The following ANGPTL5 variants were observed in gnomAD, a reference collection of about 807,000 sequenced individuals.
The protein encoded by ANGPTL5 is angiopoietin-related protein 5.
ANGPTL5 carries 34 observed loss-of-function variants against 39.4 expected under a neutral mutation model. That is an observed-to-expected ratio of 0.86 (90% CI 0.66 to 1.15). The LOEUF (loss-of-function observed/expected upper bound fraction) is 1.15, where lower values mean the gene tolerates loss of function less well. Ranked by LOEUF, ANGPTL5 falls within the 50% of genes most tolerant of loss-of-function variation. The probability of loss-of-function intolerance (pLI) is 0.00; values close to 1 mark genes in which losing one functional copy is unlikely to be tolerated. For missense variants in ANGPTL5, 467 were observed against 457.5 expected (o/e 1.02, Z -0.19); for synonymous variants, 146 against 152.1 (o/e 0.96, Z 0.29).
intron 1 of ANGPTL5, chr11:101,915,494 T>G: frequency 6.6e-7 from 1 of 1,520,216 alleles, no homozygotes; most frequent in Non-Finnish European, 8.9e-7. Flanking sequence ...CCCATTACCT[T>G]TGACGCAGGG....
At chr11:101,891,696 T>G in intron 8 of ANGPTL5, 98 bp from the exon 9 acceptor site, 4 of 1,199,308 alleles carry the variant, frequency 3.3e-6, no homozygotes, top group Non-Finnish European at 4.8e-6. Context: ...CATCTGGAAA[T>G]AGGGTTTAAA....
chr11:101,892,566 A>G (rs995254057), intron 8 of ANGPTL5, among the ~76,000 whole-genome samples: 2 of 152,176 alleles, frequency 1.3e-5, no homozygotes, highest in Admixed American at 1.3e-4. Context: ...CGTATTTACA[A>G]TAACCCTGCA....
chr11:101,903,555 C>A (rs1939945934), intron 5 of ANGPTL5, among the ~76,000 whole-genome samples: 2 of 152,094 alleles, frequency 1.3e-5, no homozygotes, highest in African/African-American at 2.4e-5. Context: ...TACCATAGTG[C>A]CCAGCACACC....
At chr11:101,896,667 C>T (rs879063465) in intron 7 of ANGPTL5, among the ~76,000 whole-genome samples, 1 of 152,120 alleles carries the variant, frequency 6.6e-6, no homozygotes, top group Non-Finnish European at 1.5e-5. Flanking sequence ...TCATCCATGT[C>T]CCTGCAAAGG....
chr11:101,891,415 T>C lies in ANGPTL5; in HGVS notation c.1031A>G (p.Asn344Ser). The change falls in exon 9 of 9, where the codon AAT becomes AGT. Residue 344 changes from asparagine to serine, a missense_variant. Physicochemically the swap from Asn to Ser is conservative, Grantham distance 46 (BLOSUM62 1). Coordinates refer to ENST00000334289, the MANE Select transcript of ANGPTL5 (RefSeq NM_178127.5). ...WFNECGLANL[N>S]GIHHFSGKLL... Reference sequence around the variant, plus strand: ...TTTTCCAGAGAAGTGATGAATGCCATTTAGATTTGCTAGACCACACTCGTT... The same window carrying C: ...TTTTCCAGAGAAGTGATGAATGCCACTTAGATTTGCTAGACCACACTCGTT... 1 of 1,614,110 alleles carries C rather than the reference T, an allele frequency of 6.2e-7. No homozygotes were observed. The highest frequency in any genetic ancestry group is 8.5e-7 in the Non-Finnish European group (1 of 1,179,994).
chr11:101,891,361 G>T lies in ANGPTL5; in HGVS notation c.1085C>A (p.Thr362Lys). The change falls in exon 9 of 9, where the codon ACG becomes AAG. Residue 362 changes from threonine to lysine, a missense_variant. Coordinates refer to ENST00000334289, the MANE Select transcript of ANGPTL5 (RefSeq NM_178127.5). ...GACAGGTGAGTTGTTTTTGGTCCAC[G>T]TGCCCCATTGAATTCCAGTTGCAAG... ...KLLATGIQWG[T>K]WTKNNSPVKI... is the part of the protein sequence containing the mutation. The T allele has an allele frequency of 6.2e-7, 1 of 1,613,906 alleles. No homozygotes were observed. Among genetic ancestry groups the T allele is most frequent in the Non-Finnish European group, 8.5e-7 (1 of 1,179,936 alleles).
At chr11:101,895,904 A>T (rs976883170) in intron 7 of ANGPTL5, among the ~76,000 whole-genome samples, 1 of 152,220 alleles carries the variant, frequency 6.6e-6, no homozygotes, top group African/African-American at 2.4e-5. Flanking sequence ...GAATAACATG[A>T]CAGCATTCAA....
chr11:101,902,077 T>C (rs1939912369), intron 6 of ANGPTL5, among the ~76,000 whole-genome samples: 1 of 152,112 alleles, frequency 6.6e-6, no homozygotes, highest in African/African-American at 2.4e-5. Flanking sequence ...ATTTATTTTA[T>C]CAATTTCAGA....
intron 1 of ANGPTL5, among the ~76,000 whole-genome samples, chr11:101,913,666 T>TA (rs1483883425): frequency 1.3e-5 from 2 of 152,220 alleles, no homozygotes; most frequent in Non-Finnish European, 2.9e-5. Flanking sequence ...GCCTAGGACT[T>TA]ACGAGATCGC....
chr11:101,905,116 G>A (rs925642690), intron 4 of ANGPTL5, among the ~76,000 whole-genome samples: 55 of 152,110 alleles, frequency 3.6e-4, no homozygotes, highest in African/African-American at 1.2e-3. Flanking sequence ...TATCTGCCCC[G>A]ATTTCTGCAT....
chr11:101,907,051 TA>T, intron 3 of ANGPTL5, 51 bp downstream of exon 3: 2 of 1,377,612 alleles, frequency 1.5e-6, no homozygotes, highest in South Asian at 1.3e-5. Context: ...GTGTCTACCC[TA>T]AAAATAATGA....
At chr11:101,893,723 C>T (rs1015597475) in intron 8 of ANGPTL5, among the ~76,000 whole-genome samples, 1 of 152,102 alleles carries the variant, frequency 6.6e-6, no homozygotes, top group Non-Finnish European at 1.5e-5. Flanking sequence ...TATATTGTAA[C>T]TTTTTAAACT....
intron 1 of ANGPTL5, among the ~76,000 whole-genome samples, chr11:101,908,363 A>T (rs552151031): frequency 1.0e-3 from 159 of 152,348 alleles, no homozygotes; most frequent in Middle Eastern, 3.4e-3. Flanking sequence ...TAGGAAGTAG[A>T]AATGACTGAT....
rs1178110788 is a variant in ANGPTL5 at position 101,907,152 on chromosome 11, T to A, written c.192A>T (p.Ser64=). The part of the protein sequence containing the change: ...DTVCKEDCEE[S]CDVKTKITRE... ...GTGTAATTTTAGTTTTAACATCACATGATTCCTCACAGTCTTCCTTACAAA... is the reference window on the plus strand; with the variant it reads ...GTGTAATTTTAGTTTTAACATCACAAGATTCCTCACAGTCTTCCTTACAAA... Residue 64 remains serine (S), a synonymous_variant, in exon 3 of 9, where the codon TCA becomes TCT. Transcript: ENST00000334289. The A allele has an allele frequency of 1.3e-6, 2 of 1,594,186 alleles. No individual in the cohort carries two copies. The highest frequency in any genetic ancestry group is 2.2e-5 in the East Asian group (1 of 44,548).
chr11:101,902,031 C>A (rs1011079168), intron 6 of ANGPTL5, among the ~76,000 whole-genome samples: 4 of 151,686 alleles, frequency 2.6e-5, no homozygotes, highest in Non-Finnish European at 5.9e-5. Context: ...TACTAGATAT[C>A]CTTGCAGAGA....
chr11:101,908,345 CA>C (rs941742023), intron 1 of ANGPTL5, among the ~76,000 whole-genome samples: 5 of 151,542 alleles, frequency 3.3e-5, no homozygotes, highest in Admixed American at 1.3e-4. Flanking sequence ...AAACTGCTTG[CA>C]AAAAAATAGG....
At chr11:101,908,076 T>C in intron 1 of ANGPTL5, 75 bp from the exon 2 acceptor site, 1 of 554,652 alleles carries the variant, frequency 1.8e-6, no homozygotes, top group South Asian at 2.1e-5. Context: ...ACACCCTTCA[T>C]ATGAAAAACA....
chr11:101,891,669 A>G, intron 8 of ANGPTL5, 71 bp from the exon 9 acceptor site: 1 of 1,402,454 alleles, frequency 7.1e-7, no homozygotes, highest in South Asian at 1.2e-5. Context: ...TTACCAGCAT[A>G]TTAGGCAAGA....
rs7105709 is a variant in ANGPTL5, at chr11:101,916,381, A to G, written c.-455T>C. The G allele has an allele frequency of 0.42, 63,745 of 152,028 alleles. 13,789 individuals are homozygous for G. Among genetic ancestry groups the G allele is most frequent in the East Asian group, 0.59 (3,048 of 5,172 alleles). 9.4% of individuals were successfully genotyped at this position (152,028 alleles called of 1,614,324 possible). A position where few individuals can be genotyped will look rare whatever the true frequency, so the allele number is the denominator to read the frequency against. On this transcript the variant is annotated 5_prime_UTR_variant, in exon 1 of 9. Transcript: ENST00000334289. Reference sequence around the variant, plus strand: ...GGATACAAATCTAGTGAGGAAGACAAATGTGTATAGAGCTTCACTAAAAGT... The same window carrying G: ...GGATACAAATCTAGTGAGGAAGACAGATGTGTATAGAGCTTCACTAAAAGT...
Sources: gnomAD v4.1 joint callset for allele counts (sites outside exome capture counted in the v4.1 genomes callset) on GRCh38, gnomAD v4.1.1 for gene constraint, MANE v1.5 for transcripts, NCBI Gene and HGNC (gene_info 2026-07-23, HGNC 2026-07-21) for gene names.